ATP10D: variants seen among roughly 807,000 people sequenced by gnomAD.
ATP10D encodes the protein ATPase phospholipid transporting 10D (putative).
A neutral mutation model predicts 144.8 loss-of-function variants in ATP10D; 89 were observed. The ratio of observed to expected loss-of-function variants is 0.61; its 90% CI spans 0.52 to 0.73. The LOEUF (loss-of-function observed/expected upper bound fraction) is 0.73. Among genes scored for constraint, ATP10D ranks in the 30% least tolerant of loss-of-function variants. ATP10D has a pLI of 0.00. For missense variants in ATP10D, 1,603 were observed against 1,714.8 expected, an observed-to-expected ratio of 0.93 and a Z score of 1.15; for synonymous variants, 571 against 615.1, an observed-to-expected ratio of 0.93 and a Z score of 1.06.
At chr4:47,550,130 A>G (rs1324232839) in intron 10 of ATP10D, among the ~76,000 whole-genome samples, 1 of 152,094 alleles carries the variant, frequency 6.6e-6, no homozygotes, top group Non-Finnish European at 1.5e-5. Flanking sequence ...AGGTGGAACT[A>G]GGGGAGGAGT....
At chr4:47,585,505 T>C (rs576917621) in intron 21 of ATP10D, among the ~76,000 whole-genome samples, 1 of 152,292 alleles carries the variant, frequency 6.6e-6, no homozygotes, top group South Asian at 2.1e-4. Context: ...ACAATCCAAA[T>C]AGATCCTTTA....
intron 3 of ATP10D, among the ~76,000 whole-genome samples, chr4:47,522,727 G>T (rs1160756358): frequency 6.6e-6 from 1 of 151,976 alleles, no homozygotes; most frequent in East Asian, 1.9e-4. Context: ...GTGCCACCAT[G>T]CCCAGCTGAT....
intron 1 of ATP10D, among the ~76,000 whole-genome samples, chr4:47,504,791 G>C (rs2109393408): frequency 6.6e-6 from 1 of 152,242 alleles, no homozygotes. Flanking sequence ...TCTCGATCTA[G>C]GTCAAGGAGA....
intron 3 of ATP10D, 113 bp from the exon 4 acceptor site, chr4:47,522,899 C>G: frequency 3.4e-6 from 3 of 872,912 alleles, no homozygotes; most frequent in Non-Finnish European, 5.2e-6. Flanking sequence ...TAAAATTTAC[C>G]CTAATACTTA....
intron 22 of ATP10D, among the ~76,000 whole-genome samples, chr4:47,588,841 T>C (rs146731712): frequency 1.3e-5 from 2 of 152,340 alleles, no homozygotes; most frequent in Admixed American, 1.3e-4. Context: ...CTTTAAAAAT[T>C]CTGGGCCTTT....
At chr4:47,516,629 A>G (rs766417149) in intron 3 of ATP10D, among the ~76,000 whole-genome samples, 24 of 152,218 alleles carry the variant, frequency 1.6e-4, no homozygotes, top group Non-Finnish European at 2.6e-4. Context: ...TATTTTGTTC[A>G]TTATTAGAAT....
chr4:47,557,742 C>A lies in ATP10D; in HGVS notation c.1903C>A (p.Arg635=). Residue 635 remains arginine (R), a synonymous_variant, in exon 12 of 23, where the codon CGA becomes AGA. Coordinates refer to ENST00000273859, the MANE Select transcript of ATP10D (RefSeq NM_020453.4). ...AAGTCTTTTCCAGAGATGGTCTGTC[C>A]GAAGATCAAGTTCTCCATCGCTTAA... ...IKSLFQRWSV[R]RSSSPSLNSG... The A allele has an allele frequency of 1.2e-6, 2 of 1,614,080 alleles. No homozygotes were observed. The highest frequency in any genetic ancestry group is 1.7e-6 in the Non-Finnish European group (2 of 1,180,018).
intron 1 of ATP10D, among the ~76,000 whole-genome samples, chr4:47,499,512 G>T (rs530794006): frequency 5.0e-4 from 76 of 152,110 alleles, no homozygotes; most frequent in African/African-American, 1.7e-3. Flanking sequence ...AGCTGATGGG[G>T]AAAAAAGCCT....
chr4:47,536,577 C>G lies in ATP10D; in HGVS notation c.1143+13C>G, dbSNP rs1577659017. On this transcript the variant is annotated intron_variant, in intron 8 of 22. Transcript: ENST00000273859. ...CATTTTGTTACAGGTAATTTTTTAT[C>G]AAGCTTATGGTAGAATTTTAACATC... is the stretch of plus-strand genomic sequence containing the variant. 5 of 1,611,320 alleles carry G rather than the reference C, an allele frequency of 3.1e-6. No individual in the cohort carries two copies. The East Asian group carries it at 1.1e-4, about 36-fold the overall frequency.
intron 10 of ATP10D, among the ~76,000 whole-genome samples, chr4:47,551,099 G>A (rs1209530435): frequency 6.6e-6 from 1 of 152,150 alleles, no homozygotes; most frequent in African/African-American, 2.4e-5. Flanking sequence ...TGCCTAATTA[G>A]CATTTTAGTG....
At chr4:47,490,997 C>A (rs2109379415) in intron 1 of ATP10D, 1 of 681,608 alleles carries the variant, frequency 1.5e-6, no homozygotes, top group South Asian at 1.4e-5. Flanking sequence ...GCCATGTGTT[C>A]ATAGGGAAGA....
At chr4:47,549,675 G>T (rs1718624727) in intron 10 of ATP10D, among the ~76,000 whole-genome samples, 1 of 152,234 alleles carries the variant, frequency 6.6e-6, no homozygotes, top group Non-Finnish European at 1.5e-5. Context: ...TATTAAAGAT[G>T]TAGTCATAGT....
chr4:47,525,764 G>A, intron 5 of ATP10D, 122 bp downstream of exon 5: 1 of 736,614 alleles, frequency 1.4e-6, no homozygotes, highest in Non-Finnish European at 2.3e-6. Flanking sequence ...CGTAACTTTA[G>A]CCACCTACTA....
intron 10 of ATP10D, among the ~76,000 whole-genome samples, chr4:47,552,545 CTT>C (rs2109441830): frequency 6.6e-6 from 1 of 152,328 alleles, no homozygotes; most frequent in Admixed American, 6.5e-5. Flanking sequence ...TCACTGCCCT[CTT>C]AACCTAATTA....
intron 11 of ATP10D, 141 bp from the exon 12 acceptor site, chr4:47,557,523 C>T (rs779600449): frequency 5.3e-5 from 37 of 694,116 alleles, no homozygotes; most frequent in Admixed American, 3.6e-4. Context: ...TTTTCCATGG[C>T]GGTCGTAAAT....
At chr4:47,508,808 C>G (rs371663118) in intron 1 of ATP10D, among the ~76,000 whole-genome samples, 1 of 152,106 alleles carries the variant, frequency 6.6e-6, no homozygotes, top group Non-Finnish European at 1.5e-5. Context: ...TAAAACAAAA[C>G]CATGTGCTTG....
intron 3 of ATP10D, among the ~76,000 whole-genome samples, chr4:47,519,552 C>A (rs1465923657): frequency 6.6e-6 from 1 of 152,230 alleles, no homozygotes; most frequent in East Asian, 1.9e-4. Context: ...TCTCCCAACA[C>A]TGTAAATGTT....
intron 5 of ATP10D, among the ~76,000 whole-genome samples, chr4:47,530,692 G>T (rs1328255987): frequency 6.6e-6 from 1 of 152,128 alleles, no homozygotes; most frequent in African/African-American, 2.4e-5. Context: ...CTGGCCTCAG[G>T]TGATCTGCCT....
At chr4:47,567,730 T>C (rs1376212843) in intron 15 of ATP10D, among the ~76,000 whole-genome samples, 1 of 152,210 alleles carries the variant, frequency 6.6e-6, no homozygotes, top group Non-Finnish European at 1.5e-5. Flanking sequence ...GGGATCAAAT[T>C]CATTCCTAAA....
Sources: allele counts gnomAD v4.1 joint callset (sites outside exome capture counted in the v4.1 genomes callset), GRCh38; gene constraint gnomAD v4.1.1; transcripts MANE v1.5; gene names NCBI Gene and HGNC (gene_info 2026-07-23, HGNC 2026-07-21).